The following FGF12 variants were observed in gnomAD, a reference collection of about 807,000 sequenced individuals.
FGF12 encodes fibroblast growth factor 12B.
A neutral mutation model predicts 23.6 loss-of-function variants in FGF12; 14 were observed. The observed-to-expected ratio is 0.59, with a 90% CI of 0.39 to 0.93. The LOEUF (loss-of-function observed/expected upper bound fraction) is 0.93. Ranked by LOEUF, FGF12 falls within the 40% of genes least tolerant of loss-of-function variation. FGF12 has a pLI of 0.00. For synonymous variants in FGF12, 62 were observed against 77.3 expected (o/e 0.80, Z 1.04); for missense variants, 175 against 217.8 (o/e 0.80, Z 1.24).
chr3:192,630,000 T>C (rs1195020112), intron 2 of FGF12, among the ~76,000 whole-genome samples: 1 of 152,120 alleles, frequency 6.6e-6, no homozygotes, highest in African/African-American at 2.4e-5. Context: ...GTATCAGAAG[T>C]GGGGCCCAGT....
chr3:192,381,727 C>T (rs1159785652), intron 2 of FGF12, among the ~76,000 whole-genome samples: 3 of 152,112 alleles, frequency 2.0e-5, no homozygotes, highest in Non-Finnish European at 4.4e-5. Flanking sequence ...AATAATAACA[C>T]TCCACACAAG....
chr3:192,419,492 C>T (rs1224462425), intron 2 of FGF12, among the ~76,000 whole-genome samples: 1 of 152,094 alleles, frequency 6.6e-6, no homozygotes, highest in Non-Finnish European at 1.5e-5. Flanking sequence ...TAGATTACAT[C>T]GCAAAATGAG....
At chr3:192,238,221 G>A (rs966876985) in intron 4 of FGF12, 1 of 152,490 alleles carries the variant, frequency 6.6e-6, no homozygotes, top group African/African-American at 2.4e-5. Context: ...GGTGTTCCCA[G>A]TTCACTTGCA....
At chr3:192,189,827 A>G (rs1417614450) in intron 4 of FGF12, among the ~76,000 whole-genome samples, 3 of 152,204 alleles carry the variant, frequency 2.0e-5, no homozygotes, top group Non-Finnish European at 4.4e-5. Flanking sequence ...CTGTTATGGC[A>G]GCCTTAGCAA....
chr3:192,464,835 G>C (rs1187493040), intron 2 of FGF12, among the ~76,000 whole-genome samples: 1 of 152,230 alleles, frequency 6.6e-6, no homozygotes, highest in East Asian at 1.9e-4. Flanking sequence ...AATAGAGACA[G>C]TAGGTGCAGA....
chr3:192,158,565 T>G (rs1714654216), intron 5 of FGF12, among the ~76,000 whole-genome samples: 1 of 105,370 alleles, frequency 9.5e-6, no homozygotes, highest in South Asian at 3.6e-4. Context: ...CCTCCCTCCC[T>G]TTCTTTCTCT....
intron 4 of FGF12, among the ~76,000 whole-genome samples, chr3:192,188,165 T>C (rs1479735948): frequency 6.6e-6 from 1 of 152,220 alleles, no homozygotes; most frequent in East Asian, 1.9e-4. Flanking sequence ...ATTCTAAGAA[T>C]GAAATCTAGA....
chr3:192,466,633 G>T (rs929515271), intron 2 of FGF12, among the ~76,000 whole-genome samples: 1 of 152,190 alleles, frequency 6.6e-6, no homozygotes, highest in African/African-American at 2.4e-5. Flanking sequence ...TATTGTGCTT[G>T]CAGGTTACCA....
intron 2 of FGF12, among the ~76,000 whole-genome samples, chr3:192,660,417 G>C (rs979497159): frequency 1.3e-5 from 2 of 150,972 alleles, no homozygotes; most frequent in African/African-American, 4.9e-5. Context: ...GTTAAATGAT[G>C]AGTTAATGGG....
chr3:192,303,807 C>A (rs975588826), intron 4 of FGF12, among the ~76,000 whole-genome samples: 6 of 152,188 alleles, frequency 3.9e-5, no homozygotes. Flanking sequence ...CCTGGCCTAA[C>A]ATATCTCACA....
chr3:192,348,060 G>T (rs1171458346), intron 3 of FGF12, among the ~76,000 whole-genome samples: 1 of 152,056 alleles, frequency 6.6e-6, no homozygotes, highest in African/African-American at 2.4e-5. Context: ...CTCAAGTATG[G>T]GAAATGATCC....
At chr3:192,164,723 G>A (rs1428877641) in intron 5 of FGF12, among the ~76,000 whole-genome samples, 1 of 152,154 alleles carries the variant, frequency 6.6e-6, no homozygotes, top group Non-Finnish European at 1.5e-5. Context: ...ACCGTGCAGT[G>A]CTGGACTCTG....
At chr3:192,372,086 A>C (rs983390476) in intron 2 of FGF12, among the ~76,000 whole-genome samples, 5 of 152,192 alleles carry the variant, frequency 3.3e-5, no homozygotes, top group Admixed American at 1.3e-4. Context: ...TCTGTAATAA[A>C]AGCATCCTCA....
chr3:192,492,090 T>C (rs776029096), intron 2 of FGF12, among the ~76,000 whole-genome samples: 7 of 152,210 alleles, frequency 4.6e-5, no homozygotes, highest in Non-Finnish European at 8.8e-5. Flanking sequence ...TAGGTTTGTA[T>C]GGACTTTTTG....
chr3:192,600,142 AT>A (rs1714052036), intron 2 of FGF12, among the ~76,000 whole-genome samples: 1 of 152,078 alleles, frequency 6.6e-6, no homozygotes, highest in Admixed American at 6.6e-5. Context: ...TATTGAAGAA[AT>A]TGTCCTTCCC....
chr3:192,336,126 C>CACACACACACAT lies in FGF12; in HGVS notation c.125-674_125-663dup, dbSNP rs1340807256. 1.1e-4 allele frequency among the ~76,000 whole-genome samples: 16 copies of CACACACACACAT among 151,304 alleles called. No homozygotes were observed. The highest frequency in any genetic ancestry group is 3.9e-4 in the African/African-American group (16 of 41,274). The stretch of plus-strand genomic sequence containing the variant: ...TGGGAAATACACACACACACACACA[C>CACACACACACAT]ACACACACACATATACACACATATA... On this transcript the variant is annotated intron_variant, in intron 3 of 5. Transcript: ENST00000445105. This position sits in a 1 kb window ranked among gnomAD's most constrained non-coding sequence, Gnocchi z 4.3.
At chr3:192,682,098 A>G (rs373284779) in intron 2 of FGF12, among the ~76,000 whole-genome samples, 8 of 152,268 alleles carry the variant, frequency 5.3e-5, no homozygotes, top group African/African-American at 1.9e-4. Flanking sequence ...TTTCTCTTTT[A>G]TAATAAGTTT....
intron 4 of FGF12, among the ~76,000 whole-genome samples, chr3:192,317,884 A>T (rs905877985): frequency 7.2e-5 from 11 of 152,078 alleles, no homozygotes; most frequent in Non-Finnish European, 1.3e-4. Flanking sequence ...TAGCACAGAG[A>T]GAGAGAGAGA....
intron 2 of FGF12, among the ~76,000 whole-genome samples, chr3:192,383,630 G>A (rs1205735963): frequency 6.6e-6 from 1 of 151,952 alleles, no homozygotes; most frequent in East Asian, 1.9e-4. Flanking sequence ...GACAAAGGTA[G>A]ATGAAATCAA....
Sources: gnomAD v4.1 joint callset for allele counts (sites outside exome capture counted in the v4.1 genomes callset) on GRCh38, gnomAD v4.1.1 for gene constraint, Gnocchi (gnomAD v3.1) non-coding constraint, MANE v1.5 for transcripts, NCBI Gene and HGNC (gene_info 2026-07-23, HGNC 2026-07-21) for gene names.